Variants in MARCHF5 observed in about 807,000 individuals in gnomAD.
MARCHF5 encodes the protein membrane associated ring-CH-type finger 5, also known as E3 ubiquitin-protein ligase MARCHF5.
A neutral mutation model predicts 36.5 loss-of-function variants in MARCHF5; 5 were observed. The ratio of observed to expected loss-of-function variants is 0.14; its 90% CI spans 0.07 to 0.29. The LOEUF (loss-of-function observed/expected upper bound fraction) is 0.29, where lower values mean the gene tolerates loss of function less well. Ranked by LOEUF, MARCHF5 falls within the 10% of genes least tolerant of loss-of-function variation. The pLI is 1.00. For synonymous variants in MARCHF5, 103 were observed against 109.9 expected (o/e 0.94, Z 0.39); for missense variants, 179 against 336.3 (o/e 0.53, Z 3.66).
At position 92,351,380 on chromosome 10, in the gene MARCHF5, C is replaced by T. The variant is rs942184843; in HGVS notation, c.*173C>T. ...GAAATCATCTCGGTAATCATGGAAC[C>T]TAAGGATGTGATTTGTTTTCATTGT... On this transcript the variant is annotated 3_prime_UTR_variant, in exon 6 of 6. Coordinates refer to ENST00000358935, the MANE Select transcript of MARCHF5 (RefSeq NM_017824.5). The T allele has an allele frequency of 8.6e-5, 41 of 476,188 alleles. 1 individual carries two copies. The highest frequency in any genetic ancestry group is 3.7e-5 in the Non-Finnish European group (10 of 271,298). The allele number at this position is 476,188 out of a possible 1,614,324, so 29.5% of individuals were successfully genotyped here.
At chr10:92,293,423 A>G (rs1478806008) in intron 1 of MARCHF5, among the ~76,000 whole-genome samples, 5 of 152,022 alleles carry the variant, frequency 3.3e-5, no homozygotes, top group African/African-American at 9.7e-5. Flanking sequence ...TCTTATGTCC[A>G]AAAGCTGACC....
intron 3 of MARCHF5, among the ~76,000 whole-genome samples, chr10:92,347,299 C>T (rs540446069): frequency 1.3e-5 from 2 of 152,156 alleles, no homozygotes; most frequent in Admixed American, 6.5e-5. Flanking sequence ...ACCTGGCTAA[C>T]GTGGTGAAAC....
In MARCHF5 at chr10:92,353,633, G is replaced by A. The variant is rs938040593; in HGVS notation, c.*2426G>A. On this transcript the variant is annotated 3_prime_UTR_variant, in exon 6 of 6. Coordinates refer to ENST00000358935, the MANE Select transcript of MARCHF5 (RefSeq NM_017824.5). The stretch of plus-strand genomic sequence containing the variant: ...ATGAAAGAGATGATGTAGATTTTTC[G>A]GATGGGTGGGTATATTTTATTTTCC... The A allele has an allele frequency of 1.3e-5, 2 of 152,416 alleles. No homozygotes were observed. Among genetic ancestry groups the A allele is most frequent in the African/African-American group, 2.4e-5 (1 of 41,416 alleles). 9.4% of individuals were successfully genotyped at this position (152,416 alleles called of 1,614,324 possible). A position where few individuals can be genotyped will look rare whatever the true frequency, so the allele number is the denominator to read the frequency against.
chr10:92,313,618 G>A (rs896931543), intron 2 of MARCHF5, among the ~76,000 whole-genome samples: 4 of 151,192 alleles, frequency 2.6e-5, no homozygotes, highest in South Asian at 4.2e-4. Flanking sequence ...AAAAAAAATT[G>A]TGGCGGGTCA....
At chr10:92,341,780 CTT>C (rs71025395) in intron 3 of MARCHF5, among the ~76,000 whole-genome samples, 347 of 77,350 alleles carry the variant, frequency 4.5e-3, no homozygotes, top group African/African-American at 0.014. Context: ...AGTTTACATC[CTT>C]TTTTTTTTTT....
intron 2 of MARCHF5, among the ~76,000 whole-genome samples, chr10:92,322,743 C>A (rs1196486970): frequency 6.9e-6 from 1 of 144,404 alleles, no homozygotes; most frequent in Non-Finnish European, 1.5e-5. Context: ...TTTTTTTTTT[C>A]TTTCTTTGTT....
rs536018379 is a variant in MARCHF5 at position 92,353,772 on chromosome 10, C to T, written c.*2565C>T. On this transcript the variant is annotated 3_prime_UTR_variant, in exon 6 of 6. Coordinates refer to ENST00000358935, the MANE Select transcript of MARCHF5 (RefSeq NM_017824.5). ...ATTCTTTTCAAAAGTTAACTTATCTCCAAAGTGGCTGAAAATATTGTTTAC... is the reference window on the plus strand; with the variant it reads ...ATTCTTTTCAAAAGTTAACTTATCTTCAAAGTGGCTGAAAATATTGTTTAC... The T allele has an allele frequency of 6.6e-6, 1 of 152,556 alleles. No homozygotes were observed. Among genetic ancestry groups the T allele is most frequent in the South Asian group, 2.1e-4 (1 of 4,812 alleles). 9.5% of individuals were successfully genotyped at this position (152,556 alleles called of 1,614,324 possible). A position where few individuals can be genotyped will look rare whatever the true frequency, so the allele number is the denominator to read the frequency against.
intron 1 of MARCHF5, among the ~76,000 whole-genome samples, chr10:92,309,348 A>C (rs1843118582): frequency 6.6e-6 from 1 of 152,220 alleles, no homozygotes; most frequent in Non-Finnish European, 1.5e-5. Flanking sequence ...GTAAGTCAGA[A>C]ACAGATTAAT....
intron 1 of MARCHF5, among the ~76,000 whole-genome samples, chr10:92,295,869 A>G (rs907124547): frequency 6.6e-6 from 1 of 151,538 alleles, no homozygotes; most frequent in Non-Finnish European, 1.5e-5. Flanking sequence ...ACATACATAT[A>G]TATATGGAAT....
intron 2 of MARCHF5, among the ~76,000 whole-genome samples, chr10:92,312,765 C>T (rs1399154139): frequency 2.0e-5 from 3 of 152,224 alleles, no homozygotes; most frequent in Non-Finnish European, 2.9e-5. Flanking sequence ...AGAATTCTCA[C>T]TGAAAACTAC....
intron 1 of MARCHF5, among the ~76,000 whole-genome samples, chr10:92,310,773 A>G (rs1843135553): frequency 6.6e-6 from 1 of 152,178 alleles, no homozygotes; most frequent in Non-Finnish European, 1.5e-5. Flanking sequence ...AATTTAATAT[A>G]TTACTGTGCT....
intron 2 of MARCHF5, among the ~76,000 whole-genome samples, chr10:92,338,702 A>C (rs1048368461): frequency 2.5e-4 from 38 of 152,310 alleles, no homozygotes; most frequent in Non-Finnish European, 1.0e-4. Flanking sequence ...TCCAGTGATC[A>C]GCAGGGAGTC....
intron 1 of MARCHF5, among the ~76,000 whole-genome samples, chr10:92,307,192 T>C (rs914035144): frequency 4.4e-5 from 4 of 91,424 alleles, no homozygotes; most frequent in Non-Finnish European, 1.1e-4. Flanking sequence ...TGTGTGTGTG[T>C]GTGTGTGTGT....
chr10:92,318,155 C>G (rs749500286), intron 2 of MARCHF5, among the ~76,000 whole-genome samples: 6 of 151,906 alleles, frequency 3.9e-5, no homozygotes, highest in Non-Finnish European at 8.8e-5. Flanking sequence ...GGCTGGGAGC[C>G]GTGGCTCATA....
intron 1 of MARCHF5, 51 bp downstream of exon 1, chr10:92,291,580 C>G: frequency 2.0e-6 from 3 of 1,485,808 alleles, no homozygotes; most frequent in Non-Finnish European, 2.7e-6. Flanking sequence ...CGCTCTGGCC[C>G]TGCCCGCGCC....
chr10:92,329,837 G>T (rs760050506), intron 2 of MARCHF5, among the ~76,000 whole-genome samples: 29 of 152,148 alleles, frequency 1.9e-4, no homozygotes, highest in Non-Finnish European at 4.0e-4. Flanking sequence ...AAAGTTTATA[G>T]TTAGAGAACT....
rs117140344 is a variant in MARCHF5 at position 92,297,924 on chromosome 10, G to A, written c.35+6395G>A. Among the ~76,000 whole-genome samples, 577 of 152,250 alleles carry A rather than the reference G, an allele frequency of 3.8e-3. 1 individual carries two copies. The highest frequency in any genetic ancestry group is 6.3e-3 in the Non-Finnish European group (430 of 68,034). On this transcript the variant is annotated intron_variant, in intron 1 of 5. Transcript: ENST00000358935. ...CTGAAAGTGTACTGAAGGGCTGGGT[G>A]CAGTGGCTCACACCTGTAATCCCAG... is the stretch of plus-strand genomic sequence containing the variant.
At chr10:92,338,533 TATC>T (rs1464422884) in intron 2 of MARCHF5, among the ~76,000 whole-genome samples, 6 of 152,248 alleles carry the variant, frequency 3.9e-5, no homozygotes, top group Admixed American at 2.0e-4. Flanking sequence ...GAAGATACCT[TATC>T]ATTGTTTTAA....
intron 2 of MARCHF5, among the ~76,000 whole-genome samples, chr10:92,312,063 T>C (rs1590651562): frequency 6.6e-6 from 1 of 152,176 alleles, no homozygotes; most frequent in East Asian, 1.9e-4. Context: ...TGTTAAACAT[T>C]TTTTTATAAC....
Sources: gnomAD v4.1 joint callset for allele counts (sites outside exome capture counted in the v4.1 genomes callset) on GRCh38, gnomAD v4.1.1 for gene constraint, MANE v1.5 for transcripts, NCBI Gene and HGNC (gene_info 2026-07-23, HGNC 2026-07-21) for gene names.